KIF13A: variants seen among roughly 807,000 people sequenced by gnomAD.
The protein encoded by KIF13A is kinesin-like protein KIF13A.
KIF13A carries 79 observed loss-of-function variants against 212.2 expected under a neutral mutation model. The observed-to-expected ratio is 0.37, with a 90% CI of 0.31 to 0.45. KIF13A has a LOEUF of 0.45. Among genes scored for constraint, KIF13A ranks in the 20% least tolerant of loss-of-function variants. The pLI, the probability that KIF13A is intolerant of heterozygous loss-of-function variation, is 1.00. For missense variants in KIF13A, 1,901 were observed against 2,209.0 expected (o/e 0.86, Z 2.79); for synonymous variants, 789 against 808.6 (o/e 0.98, Z 0.41).
At chr6:17,932,254 T>C (rs1776047264) in intron 2 of KIF13A, among the ~76,000 whole-genome samples, 1 of 152,228 alleles carries the variant, frequency 6.6e-6, no homozygotes, top group Non-Finnish European at 1.5e-5. Flanking sequence ...ACCAGGCTTA[T>C]ATTTTGAAAA....
chr6:17,959,897 C>T (rs964831663), intron 2 of KIF13A, among the ~76,000 whole-genome samples: 1 of 152,098 alleles, frequency 6.6e-6, no homozygotes, highest in African/African-American at 2.4e-5. Flanking sequence ...GTGGCGCATG[C>T]CTGTAATACC....
At chr6:17,977,700 T>G (rs577812545) in intron 2 of KIF13A, among the ~76,000 whole-genome samples, 1 of 152,342 alleles carries the variant, frequency 6.6e-6, no homozygotes, top group Admixed American at 6.5e-5. Context: ...TTTTATTTGT[T>G]TTTAATTTTT....
At position 17,901,972 on chromosome 6, in the gene KIF13A, G is replaced by A. The variant is rs575010624; in HGVS notation, c.147-3792C>T. 2.0e-5 allele frequency among the ~76,000 whole-genome samples: 3 copies of A among 152,296 alleles called. No homozygotes were observed. In the East Asian group the frequency reaches 5.8e-4, roughly 29 times the overall value. The stretch of plus-strand genomic sequence containing the variant: ...AGATCACGCCACTGCACTCCTGCCT[G>A]GGTGACAGAGCAAGACTCAATCTCA... On this transcript the variant is annotated intron_variant, in intron 2 of 38. Transcript: ENST00000259711.
downstream of KIF13A, among the ~76,000 whole-genome samples, chr6:17,762,373 C>T (rs535932966): frequency 7.6e-4 from 115 of 152,090 alleles, no homozygotes; most frequent in African/African-American, 2.4e-3. Context: ...CCACCATATC[C>T]GGCTAATTTT....
At chr6:17,860,969 A>G (rs907221896) in intron 4 of KIF13A, among the ~76,000 whole-genome samples, 2 of 152,176 alleles carry the variant, frequency 1.3e-5, no homozygotes, top group African/African-American at 4.8e-5. Flanking sequence ...ATCCTCCTGG[A>G]CATTACAACA....
chr6:17,805,724 A>G, intron 18 of KIF13A, 109 bp from the exon 19 acceptor site: 2 of 939,350 alleles, frequency 2.1e-6, no homozygotes, highest in South Asian at 1.8e-5. Context: ...ACATAAATGC[A>G]TACAAAAGAA....
chr6:17,855,330 G>C lies in KIF13A; in HGVS notation c.494+107C>G. On this transcript the variant is annotated intron_variant, in intron 6 of 38. Transcript: ENST00000259711. The surrounding 1 kb of genome is among the most constrained non-coding windows in gnomAD (Gnocchi z 4.1). ...TTTCTGTAAATGAATGAAAACCAGT[G>C]TAGTCACCAAGAGCTTAAATACGTA... is the stretch of plus-strand genomic sequence containing the variant. 1.2e-6 allele frequency: 1 copy of C among 809,438 alleles called. No homozygotes were observed. The highest frequency in any genetic ancestry group is 1.9e-5 in the South Asian group (1 of 53,050). 50.1% of individuals were successfully genotyped at this position (809,438 alleles called of 1,614,324 possible).
chr6:17,968,388 G>A lies in KIF13A; in HGVS notation c.146+18666C>T, dbSNP rs1392111535. Among the ~76,000 whole-genome samples the A allele has an allele frequency of 6.6e-6, 1 of 152,152 alleles. No homozygotes were observed. Among genetic ancestry groups the A allele is most frequent in the Non-Finnish European group, 1.5e-5 (1 of 68,016 alleles). On this transcript the variant is annotated intron_variant, in intron 2 of 38. Transcript: ENST00000259711. The surrounding 1 kb of genome is among the most constrained non-coding windows in gnomAD (Gnocchi z 4.7). ...CCAGTCCTCTCTCCCTATGACAACA[G>A]GAGGAACAGCTTCTCATGCTGACTC...
intron 2 of KIF13A, among the ~76,000 whole-genome samples, chr6:17,983,867 G>A (rs1561838838): frequency 1.3e-5 from 2 of 152,132 alleles, no homozygotes; most frequent in Non-Finnish European, 1.5e-5. Context: ...TGTGTTGCAG[G>A]TATGCTTTCA....
At chr6:17,942,483 A>G (rs940860328) in intron 2 of KIF13A, among the ~76,000 whole-genome samples, 2 of 152,174 alleles carry the variant, frequency 1.3e-5, no homozygotes, top group Non-Finnish European at 2.9e-5. Flanking sequence ...CCCATCTGCA[A>G]AATGGGTACC....
In KIF13A at chr6:17,872,965, T is replaced by C. The variant is rs776798704; in HGVS notation, c.220+412A>G. 2.0e-5 allele frequency among the ~76,000 whole-genome samples: 3 copies of C among 152,048 alleles called. No homozygotes were observed. Among genetic ancestry groups the C allele is most frequent in the Admixed American group, 6.6e-5 (1 of 15,264 alleles). The stretch of plus-strand genomic sequence containing the variant: ...AATAAATTTTTAAAAAGATGAAATA[T>C]CTAAGAAAAAGGGGGCATAATCAGA... On this transcript the variant is annotated intron_variant, in intron 4 of 38. Transcript: ENST00000259711. This position sits in a 1 kb window ranked among gnomAD's most constrained non-coding sequence, Gnocchi z 4.7.
chr6:17,983,594 G>A (rs1408844323), intron 2 of KIF13A, among the ~76,000 whole-genome samples: 1 of 151,906 alleles, frequency 6.6e-6, no homozygotes, highest in African/African-American at 2.4e-5. Context: ...CAAGGCTCAG[G>A]CGATTCTCCT....
In KIF13A at chr6:17,772,521, A is replaced by G. The variant is rs1759590209; in HGVS notation, c.4325-462T>C. 1.3e-5 allele frequency among the ~76,000 whole-genome samples: 2 copies of G among 152,262 alleles called. No homozygotes were observed. The highest frequency in any genetic ancestry group is 6.5e-5 in the Admixed American group (1 of 15,282). ...AATAGACATAAATCTGTGATGTCAC[A>G]AAGAGTTACTACAGTGCTAGTCTGT... is the stretch of plus-strand genomic sequence containing the variant. On this transcript the variant is annotated intron_variant, in intron 36 of 38. Coordinates refer to ENST00000259711, the MANE Select transcript of KIF13A (RefSeq NM_022113.6). This position sits in a 1 kb window ranked among gnomAD's most constrained non-coding sequence, Gnocchi z 4.8.
intron 22 of KIF13A, among the ~76,000 whole-genome samples, chr6:17,798,510 G>A (rs1050130722): frequency 1.3e-5 from 2 of 152,198 alleles, no homozygotes; most frequent in African/African-American, 2.4e-5. Context: ...CCTTACCTAT[G>A]TGAAATTTTA....
At position 17,804,333 on chromosome 6, in the gene KIF13A, T is replaced by C. The variant is rs886423538; in HGVS notation, c.2454+28A>G. 3 of 1,472,870 alleles carry C rather than the reference T, an allele frequency of 2.0e-6. No homozygotes were observed. The African/African-American group carries it at 4.3e-5, about 21-fold the overall frequency. 91.2% of individuals were successfully genotyped at this position (1,472,870 alleles called of 1,614,324 possible). On this transcript the variant is annotated intron_variant, in intron 20 of 38. Transcript: ENST00000259711. ...ACAAAACAAAAAACTTGAACCACCA[T>C]CGTTCTCCAAGGCTGGCCTGTGCTT...
At chr6:17,846,608 A>T (rs915982189) in intron 9 of KIF13A, among the ~76,000 whole-genome samples, 2 of 36,470 alleles carry the variant, frequency 5.5e-5, no homozygotes, top group African/African-American at 1.6e-4. Flanking sequence ...TTTCTTTAAA[A>T]AAAAAAAAAA....
rs577837269 is a variant in KIF13A at position 17,843,906 on chromosome 6, G to A, written c.830+5471C>T. Among the ~76,000 whole-genome samples, 33 of 152,100 alleles carry A rather than the reference G, an allele frequency of 2.2e-4. No homozygotes were observed. The highest frequency in any genetic ancestry group is 7.5e-4 in the African/African-American group (31 of 41,506). On this transcript the variant is annotated intron_variant, in intron 9 of 38. Coordinates refer to ENST00000259711, the MANE Select transcript of KIF13A (RefSeq NM_022113.6). This position sits in a 1 kb window ranked among gnomAD's most constrained non-coding sequence, Gnocchi z 5.3. ...CTAAAAATACAAAAATTAACTGAGC[G>A]TGGTGGCGCACGCCTATAATCCCAG...
At chr6:17,904,913 T>C (rs1338517788) in intron 2 of KIF13A, among the ~76,000 whole-genome samples, 1 of 152,240 alleles carries the variant, frequency 6.6e-6, no homozygotes, top group Non-Finnish European at 1.5e-5. Flanking sequence ...TAAATAGCAT[T>C]TGCCTCCTGG....
At chr6:17,784,583 C>T (rs928169007) in intron 28 of KIF13A, among the ~76,000 whole-genome samples, 18 of 152,018 alleles carry the variant, frequency 1.2e-4, no homozygotes, top group African/African-American at 4.3e-4. Flanking sequence ...ATCAACATAA[C>T]TAGGGATGAC....
Sources: gnomAD v4.1 joint callset for allele counts (sites outside exome capture counted in the v4.1 genomes callset) on GRCh38, gnomAD v4.1.1 for gene constraint, Gnocchi (gnomAD v3.1) non-coding constraint, MANE v1.5 for transcripts, NCBI Gene and HGNC (gene_info 2026-07-23, HGNC 2026-07-21) for gene names.